ARHGEF28: variants seen among roughly 807,000 people sequenced by gnomAD.
ARHGEF28 encodes the protein 190 kDa guanine nucleotide exchange factor.
A neutral mutation model predicts 206.6 loss-of-function variants in ARHGEF28; 152 were observed. The observed-to-expected ratio is 0.74, with a 90% CI of 0.64 to 0.84. The LOEUF (loss-of-function observed/expected upper bound fraction) is 0.84. Among genes scored for constraint, ARHGEF28 ranks in the 40% least tolerant of loss-of-function variants. The probability of loss-of-function intolerance (pLI) is 0.00; values close to 1 mark genes in which losing one functional copy is unlikely to be tolerated. For missense variants in ARHGEF28, 2,028 were observed against 2,073.2 expected (o/e 0.98, Z 0.42); for synonymous variants, 763 against 776.4 (o/e 0.98, Z 0.29).
chr5:73,842,714 C>T (rs1409974728), intron 11 of ARHGEF28, among the ~76,000 whole-genome samples: 3 of 152,158 alleles, frequency 2.0e-5, no homozygotes, highest in Non-Finnish European at 4.4e-5. Flanking sequence ...TATGGTGGCT[C>T]ACACCTGCAA....
intron 2 of ARHGEF28, among the ~76,000 whole-genome samples, chr5:73,724,243 A>T (rs369704816): frequency 6.6e-6 from 1 of 152,222 alleles, no homozygotes; most frequent in African/African-American, 2.4e-5. Context: ...AAAAATTAAG[A>T]ATTCTGTGCC....
At chr5:73,847,412 G>A (rs958631632) in intron 12 of ARHGEF28, among the ~76,000 whole-genome samples, 1 of 152,174 alleles carries the variant, frequency 6.6e-6, no homozygotes, top group Non-Finnish European at 1.5e-5. Flanking sequence ...CCAGCTTGGT[G>A]ATAGACTCAG....
chr5:73,777,081 GCAGAATCCAGTA>G (rs932945900), intron 6 of ARHGEF28, among the ~76,000 whole-genome samples: 11 of 152,084 alleles, frequency 7.2e-5, no homozygotes, highest in Admixed American at 1.3e-4. Context: ...TTGTTCCAGT[GCAGAATCCAGTA>G]CAGAATCCAG....
intron 33 of ARHGEF28, chr5:73,908,680 T>C (rs1391329885): frequency 6.6e-6 from 1 of 152,236 alleles, no homozygotes; most frequent in Non-Finnish European, 1.5e-5. Flanking sequence ...CTCTGGGCTT[T>C]AGAGTATCTA....
At chr5:73,921,333 A>G (rs1580106495) in intron 35 of ARHGEF28, among the ~76,000 whole-genome samples, 1 of 152,192 alleles carries the variant, frequency 6.6e-6, no homozygotes, top group African/African-American at 2.4e-5. Flanking sequence ...AAGGAGGAAG[A>G]GTTGTTCTGC....
intron 7 of ARHGEF28, among the ~76,000 whole-genome samples, chr5:73,789,099 C>T (rs545537776): frequency 6.6e-6 from 1 of 151,776 alleles, no homozygotes; most frequent in Admixed American, 6.6e-5. Context: ...TAATAATAGA[C>T]AAAAAGTGGA....
At chr5:73,676,573 C>T (rs1481137434) in intron 1 of ARHGEF28, among the ~76,000 whole-genome samples, 2 of 152,260 alleles carry the variant, frequency 1.3e-5, no homozygotes, top group East Asian at 1.9e-4. Flanking sequence ...TTGTGAGGGT[C>T]ATTTTTATTA....
chr5:73,888,620 T>C (rs948771591), intron 26 of ARHGEF28, among the ~76,000 whole-genome samples: 1 of 152,228 alleles, frequency 6.6e-6, no homozygotes, highest in African/African-American at 2.4e-5. Flanking sequence ...TTGGATGATA[T>C]TACCGGACAG....
chr5:73,776,018 A>T (rs766901263), intron 5 of ARHGEF28, among the ~76,000 whole-genome samples: 1 of 152,264 alleles, frequency 6.6e-6, no homozygotes, highest in Non-Finnish European at 1.5e-5. Flanking sequence ...TAATTTGCAT[A>T]AGAAAGAATT....
chr5:73,626,884 G>A (rs1159557007), intron 1 of ARHGEF28, among the ~76,000 whole-genome samples: 2 of 152,176 alleles, frequency 1.3e-5, no homozygotes, highest in African/African-American at 4.8e-5. Flanking sequence ...GAATTATGTG[G>A]GACTCCTTAC....
intron 35 of ARHGEF28, among the ~76,000 whole-genome samples, chr5:73,922,265 G>A (rs924625099): frequency 5.8e-4 from 89 of 152,318 alleles, no homozygotes; most frequent in African/African-American, 2.0e-3. Flanking sequence ...GAAGCCCATG[G>A]CTTTGTGTTT....
intron 35 of ARHGEF28, among the ~76,000 whole-genome samples, chr5:73,938,087 C>T (rs1764517372): frequency 1.3e-5 from 2 of 151,770 alleles, no homozygotes; most frequent in Admixed American, 6.6e-5. Flanking sequence ...ACAACAAGCT[C>T]TCACCTAGGA....
chr5:73,702,070 A>G (rs1748639746), intron 2 of ARHGEF28, among the ~76,000 whole-genome samples: 2 of 152,230 alleles, frequency 1.3e-5, no homozygotes, highest in Admixed American at 1.3e-4. Context: ...TAGTTTTTAA[A>G]GGAACTGACA....
At chr5:73,769,002 C>T (rs1317270226) in intron 4 of ARHGEF28, among the ~76,000 whole-genome samples, 1 of 152,038 alleles carries the variant, frequency 6.6e-6, no homozygotes, top group Non-Finnish European at 1.5e-5. Flanking sequence ...CTTGCCGCTG[C>T]CATGTAAGAA....
chr5:73,633,220 C>T (rs925812594), intron 1 of ARHGEF28, among the ~76,000 whole-genome samples: 3 of 152,142 alleles, frequency 2.0e-5, no homozygotes, highest in African/African-American at 7.2e-5. Flanking sequence ...CACTCTCTTG[C>T]GTACTGCTCA....
intron 1 of ARHGEF28, among the ~76,000 whole-genome samples, chr5:73,641,406 T>TGG (rs1247794722): frequency 0.08 from 11,124 of 139,670 alleles, 1,375 homozygotes; most frequent in African/African-American, 0.3. Flanking sequence ...GGGAAAGGCT[T>TGG]TTTTTTTTTT....
intron 1 of ARHGEF28, among the ~76,000 whole-genome samples, chr5:73,656,207 A>C (rs548402691): frequency 6.6e-6 from 1 of 152,196 alleles, no homozygotes; most frequent in East Asian, 1.9e-4. Context: ...TCTTGTTCCT[A>C]CGTGTGCTTT....
intron 10 of ARHGEF28, among the ~76,000 whole-genome samples, chr5:73,837,625 A>ATG (rs1440907023): frequency 6.6e-6 from 1 of 151,956 alleles, no homozygotes; most frequent in Non-Finnish European, 1.5e-5. Context: ...GTTCTCAGAT[A>ATG]CATTAAAAAT....
At chr5:73,917,476 C>T (rs1309682626) in intron 35 of ARHGEF28, among the ~76,000 whole-genome samples, 2 of 152,212 alleles carry the variant, frequency 1.3e-5, no homozygotes, top group African/African-American at 2.4e-5. Context: ...AGATGACATT[C>T]GCTTGTAGAG....
Sources: gnomAD v4.1 joint callset for allele counts (sites outside exome capture counted in the v4.1 genomes callset) on GRCh38, gnomAD v4.1.1 for gene constraint, MANE v1.5 for transcripts, NCBI Gene and HGNC (gene_info 2026-07-23, HGNC 2026-07-21) for gene names.